Variants in KIF26B observed in about 807,000 individuals in gnomAD.
KIF26B encodes the protein kinesin family member 26B.
In KIF26B, 63 loss-of-function variants were observed where a neutral mutation model predicts 151.2. The ratio of observed to expected loss-of-function variants is 0.42; its 90% CI spans 0.34 to 0.51. The LOEUF (loss-of-function observed/expected upper bound fraction) is 0.51, where lower values mean the gene tolerates loss of function less well. Among genes scored for constraint, KIF26B ranks in the 20% least tolerant of loss-of-function variants. KIF26B has a pLI of 0.07. For missense variants in KIF26B, 2,813 were observed against 2,913.6 expected, an observed-to-expected ratio of 0.97 and a Z score of 0.79; for synonymous variants, 1,357 against 1,262.1, an observed-to-expected ratio of 1.08 and a Z score of -1.59.
At position 245,417,890 on chromosome 1, in the gene KIF26B, A is replaced by G. The variant is rs150658901; in HGVS notation, c.1000-1689A>G. ...CTTCCCTCCAAATTTTAGATGAGAA[A>G]TATGGTAATGAAAGGAAATAACCCA... On this transcript the variant is annotated intron_variant, in intron 3 of 14. Transcript: ENST00000407071. 2.5e-3 allele frequency among the ~76,000 whole-genome samples: 377 copies of G among 152,314 alleles called. 1 individual carries two copies. The highest frequency in any genetic ancestry group is 8.5e-3 in the African/African-American group (355 of 41,578).
rs1489140149 is a variant in KIF26B at position 245,227,966 on chromosome 1, C to T, written c.465+71283C>T. ...GCAGTGAGCTCAGGTTGCGCCTCTG[C>T]ACTCCAGCCTGGGCAACAAGAGCGA... On this transcript the variant is annotated intron_variant, in intron 2 of 14. Transcript: ENST00000407071. This position sits in a 1 kb window ranked among gnomAD's most constrained non-coding sequence, Gnocchi z 4.1. Among the ~76,000 whole-genome samples the T allele has an allele frequency of 6.6e-6, 1 of 152,172 alleles. No homozygotes were observed. The highest frequency in any genetic ancestry group is 2.4e-5 in the African/African-American group (1 of 41,446).
At chr1:245,340,320 A>T (rs557813869) in intron 2 of KIF26B, among the ~76,000 whole-genome samples, 36 of 150,674 alleles carry the variant, frequency 2.4e-4, no homozygotes, top group Non-Finnish European at 4.4e-4. Context: ...CTATATAAAT[A>T]GTTGTTATTC....
chr1:245,521,932 C>CAT (rs1558198156), intron 4 of KIF26B, among the ~76,000 whole-genome samples: 2 of 150,582 alleles, frequency 1.3e-5, no homozygotes, highest in Admixed American at 6.7e-5. Context: ...TGCAGTGGTG[C>CAT]GATCTCGGCT....
intron 10 of KIF26B, among the ~76,000 whole-genome samples, chr1:245,652,145 T>TGTGTGTGTGTGTGA (rs368258830): frequency 1.8e-4 from 25 of 142,756 alleles, no homozygotes; most frequent in African/African-American, 6.3e-4. Flanking sequence ...TGTGTGTGTG[T>TGTGTGTGTGTGTGA]GAGAGAGACA....
intron 2 of KIF26B, among the ~76,000 whole-genome samples, chr1:245,355,816 G>A (rs988062385): frequency 6.6e-6 from 1 of 152,084 alleles, no homozygotes; most frequent in Admixed American, 6.6e-5. Context: ...CAATTCACTG[G>A]GTGGAGGGTA....
intron 3 of KIF26B, among the ~76,000 whole-genome samples, chr1:245,412,541 C>T (rs1221275335): frequency 2.0e-5 from 3 of 152,182 alleles, no homozygotes; most frequent in African/African-American, 7.2e-5. Flanking sequence ...AGAGTCCTTC[C>T]TTCAGTGTAG....
chr1:245,280,148 G>A (rs1671012850), intron 2 of KIF26B, among the ~76,000 whole-genome samples: 1 of 151,998 alleles, frequency 6.6e-6, no homozygotes, highest in African/African-American at 2.4e-5. Context: ...GTAGCCAGGA[G>A]TCGTCACCCA....
At chr1:245,501,711 C>G (rs999317564) in intron 4 of KIF26B, among the ~76,000 whole-genome samples, 1 of 152,228 alleles carries the variant, frequency 6.6e-6, no homozygotes, top group Admixed American at 6.5e-5. Flanking sequence ...CAAATGCATT[C>G]TTGCTAAGAC....
chr1:245,692,623 C>T (rs1239610508), intron 12 of KIF26B, among the ~76,000 whole-genome samples: 1 of 152,020 alleles, frequency 6.6e-6, no homozygotes, highest in Non-Finnish European at 1.5e-5. Flanking sequence ...CACAGTCACA[C>T]CCGGAACAAA....
At chr1:245,675,950 T>A (rs938788901) in intron 10 of KIF26B, among the ~76,000 whole-genome samples, 7 of 152,078 alleles carry the variant, frequency 4.6e-5, no homozygotes, top group African/African-American at 1.4e-4. Flanking sequence ...TTGAGGCTAT[T>A]CAGAATATTA....
chr1:245,684,287 T>C lies in KIF26B; in HGVS notation c.2313T>C (p.Arg771=). The C allele has an allele frequency of 1.2e-6, 2 of 1,613,956 alleles. No individual in the cohort carries two copies. The highest frequency in any genetic ancestry group is 8.5e-7 in the Non-Finnish European group (1 of 1,179,876). Reference sequence around the variant, plus strand: ...AGTCTCTGGGGAACATGAACTGCCGTACCACCATGATCGCGCACATCTCGG... The same window carrying C: ...AGTCTCTGGGGAACATGAACTGCCGCACCACCATGATCGCGCACATCTCGG... ...LRESLGNMNC[R]TTMIAHISAA... is the part of the protein sequence containing the mutation. Residue 771 remains arginine (R), a synonymous_variant, in exon 11 of 15, where the codon CGT becomes CGC. Transcript: ENST00000407071.
chr1:245,581,453 G>T (rs1025706890), intron 5 of KIF26B, among the ~76,000 whole-genome samples: 1 of 149,608 alleles, frequency 6.7e-6, no homozygotes, highest in Non-Finnish European at 1.5e-5. Context: ...TAGATAGATA[G>T]AGAAAGAAGC....
At chr1:245,568,883 A>G (rs1238324808) in intron 5 of KIF26B, among the ~76,000 whole-genome samples, 5 of 152,254 alleles carry the variant, frequency 3.3e-5, no homozygotes, top group Non-Finnish European at 7.3e-5. Context: ...CAGAATGGAT[A>G]CAAGATGAAT....
intron 2 of KIF26B, among the ~76,000 whole-genome samples, chr1:245,303,046 A>G (rs1220786428): frequency 2.0e-5 from 3 of 147,620 alleles, no homozygotes; most frequent in Non-Finnish European, 4.5e-5. Context: ...TTACATGGTG[A>G]TTAGAAAATT....
At chr1:245,408,282 C>G (rs1219092419) in intron 3 of KIF26B, among the ~76,000 whole-genome samples, 2 of 151,792 alleles carry the variant, frequency 1.3e-5, no homozygotes, top group Non-Finnish European at 2.9e-5. Context: ...ATAGAGAGAG[C>G]CTATTGTGCT....
intron 5 of KIF26B, among the ~76,000 whole-genome samples, chr1:245,599,758 A>G (rs925393652): frequency 6.6e-6 from 1 of 152,172 alleles, no homozygotes; most frequent in Admixed American, 6.5e-5. Flanking sequence ...CTTAGCACAC[A>G]TGCTGTGTAA....
chr1:245,648,969 C>T (rs2103187863), intron 10 of KIF26B, among the ~76,000 whole-genome samples: 1 of 152,290 alleles, frequency 6.6e-6, no homozygotes, highest in African/African-American at 2.4e-5. Flanking sequence ...CTTGCCCTGC[C>T]CTGCCTAACA....
Position 245,599,240 on chromosome 1 carries a change from G to A in KIF26B, c.1351-3337G>A, listed in dbSNP as rs550963140. Among the ~76,000 whole-genome samples, 224 of 152,302 alleles carry A rather than the reference G, an allele frequency of 1.5e-3. 1 individual carries two copies. Among genetic ancestry groups the A allele is most frequent in the African/African-American group, 5.2e-3 (215 of 41,566 alleles). ...CTAAAGGAATAATGATACAAAGGAG[G>A]TGAAGCAGAAAAACTTAATTTCCTT... is the stretch of plus-strand genomic sequence containing the variant. On this transcript the variant is annotated intron_variant, in intron 5 of 14. Transcript: ENST00000407071.
At chr1:245,346,286 T>C (rs1672455200) in intron 2 of KIF26B, among the ~76,000 whole-genome samples, 1 of 151,926 alleles carries the variant, frequency 6.6e-6, no homozygotes, top group Non-Finnish European at 1.5e-5. Context: ...ACTAATACAG[T>C]CCCTTTACCT....
Sources: gnomAD v4.1 joint callset for allele counts (sites outside exome capture counted in the v4.1 genomes callset) on GRCh38, gnomAD v4.1.1 for gene constraint, Gnocchi (gnomAD v3.1) non-coding constraint, MANE v1.5 for transcripts, NCBI Gene and HGNC (gene_info 2026-07-23, HGNC 2026-07-21) for gene names.